Variants in ZFAT observed in about 807,000 individuals in gnomAD.
The protein encoded by ZFAT is zinc finger protein ZFAT.
Under a neutral mutation model 117.7 loss-of-function variants are expected in ZFAT, and 64 were observed. The observed-to-expected ratio is 0.54, with a 90% CI of 0.44 to 0.67. The LOEUF is 0.67. Among genes scored for constraint, ZFAT ranks in the 30% least tolerant of loss-of-function variants. ZFAT has a pLI of 0.00. For synonymous variants in ZFAT, 679 were observed against 615.0 expected, an observed-to-expected ratio of 1.10 and a Z score of -1.54; for missense variants, 1,433 against 1,584.5, an observed-to-expected ratio of 0.90 and a Z score of 1.62.
At chr8:134,794,115 A>C in the ZFAT span, 3 of 152,244 alleles carry the variant, frequency 2.0e-5, no homozygotes, top group Non-Finnish European at 4.4e-5. Context: ...AACTCCTTCA[A>C]ACAATCCATT....
intron 10 of ZFAT, 65 bp from the exon 11 acceptor site, chr8:134,565,486 C>T (rs1023062348): frequency 6.8e-7 from 1 of 1,470,194 alleles, no homozygotes; most frequent in Admixed American, 1.8e-5. Context: ...GAATGAAGTG[C>T]CAGGCATGGA....
At chr8:134,648,089 A>T (rs558055832) in intron 2 of ZFAT, among the ~76,000 whole-genome samples, 19 of 152,078 alleles carry the variant, frequency 1.2e-4, no homozygotes, top group Non-Finnish European at 2.2e-4. Context: ...AGATGTGTTA[A>T]CTAACCTGAT....
At chr8:134,783,007 ATTTTC>A in the ZFAT span, among the ~76,000 whole-genome samples, 1 of 151,950 alleles carries the variant, frequency 6.6e-6, no homozygotes, top group African/African-American at 2.4e-5. Context: ...ACACACATTT[ATTTTC>A]AACATATGTT....
chr8:134,666,595 A>C (rs564801884), intron 1 of ZFAT, among the ~76,000 whole-genome samples: 1 of 152,368 alleles, frequency 6.6e-6, no homozygotes, highest in South Asian at 2.1e-4. Context: ...ATTGTGTCTC[A>C]GCAAAGAAAT....
At chr8:134,800,643 CG>C in the ZFAT span, 1 of 448,944 alleles carries the variant, frequency 2.2e-6, no homozygotes, top group Admixed American at 2.4e-5. Context: ...TAAGTTTGTA[CG>C]GTTCTTTACG....
At chr8:134,588,102 G>C in intron 9 of ZFAT, 144 bp downstream of exon 9, 1 of 984,230 alleles carries the variant, frequency 1.0e-6, no homozygotes, top group Non-Finnish European at 1.5e-6. Flanking sequence ...GTTTGTAGCT[G>C]GTTGATGGAC....
chr8:134,590,468 G>A (rs1203218268), intron 7 of ZFAT, 113 bp from the exon 8 acceptor site: 15 of 715,130 alleles, frequency 2.1e-5, no homozygotes, highest in South Asian at 7.0e-5. Context: ...TACCACTCAC[G>A]CTATCAACAG....
At chr8:134,600,169 T>C in intron 7 of ZFAT, 1 of 511,174 alleles carries the variant, frequency 2.0e-6, no homozygotes, top group Non-Finnish European at 3.5e-6. Context: ...ACTCTATAGA[T>C]ATCTCTTCTG....
chr8:134,525,928 A>C (rs1820994110), intron 12 of ZFAT, among the ~76,000 whole-genome samples: 2 of 152,262 alleles, frequency 1.3e-5, no homozygotes, highest in African/African-American at 4.8e-5. Flanking sequence ...TTTCTTGCCC[A>C]GAGGATAAAC....
intron 11 of ZFAT, among the ~76,000 whole-genome samples, chr8:134,555,122 G>A (rs1017671971): frequency 6.6e-6 from 1 of 152,192 alleles, no homozygotes; most frequent in Non-Finnish European, 1.5e-5. Flanking sequence ...AAGGCTAGGG[G>A]AAACCAGGTG....
In ZFAT at chr8:134,662,240, C is replaced by T. The variant is rs141947986; in HGVS notation, c.20-4503G>A. ...ATTCATGAAGGCCCCACCCTCACGA[C>T]CTGACCACCTCCCAAAGGTCCCACC... On this transcript the variant is annotated intron_variant, in intron 1 of 15. Transcript: ENST00000377838. Among the ~76,000 whole-genome samples the T allele has an allele frequency of 2.6e-5, 4 of 152,230 alleles. No homozygotes were observed. The East Asian group carries it at 7.7e-4, about 29-fold the overall frequency.
chr8:134,724,105 C>T, the ZFAT span, among the ~76,000 whole-genome samples: 1 of 152,212 alleles, frequency 6.6e-6, no homozygotes, highest in Non-Finnish European at 1.5e-5. Flanking sequence ...GATGCAGAAT[C>T]TTATGCCAGT....
chr8:134,593,829 C>T (rs1052493396), intron 7 of ZFAT, among the ~76,000 whole-genome samples: 3 of 152,240 alleles, frequency 2.0e-5, no homozygotes, highest in African/African-American at 4.8e-5. Context: ...TCAACTGCTA[C>T]AGGGCCCCTG....
intron 15 of ZFAT, among the ~76,000 whole-genome samples, chr8:134,488,351 C>T (rs1586563450): frequency 6.6e-6 from 1 of 152,214 alleles, no homozygotes; most frequent in Non-Finnish European, 1.5e-5. Flanking sequence ...AAGGCCAGTG[C>T]TTGTGCTGAG....
chr8:134,781,133 T>C, the ZFAT span, among the ~76,000 whole-genome samples: 1 of 152,154 alleles, frequency 6.6e-6, no homozygotes, highest in Non-Finnish European at 1.5e-5. Context: ...TCTTATTATT[T>C]ACTTATTTTT....
chr8:134,704,171 G>T (rs1834086889), intron 1 of ZFAT, among the ~76,000 whole-genome samples: 1 of 152,132 alleles, frequency 6.6e-6, no homozygotes, highest in African/African-American at 2.4e-5. Context: ...TTCCCTGTGG[G>T]GCTCTCTCCC....
intron 1 of ZFAT, among the ~76,000 whole-genome samples, chr8:134,674,140 T>C (rs1293128049): frequency 6.6e-6 from 1 of 152,160 alleles, no homozygotes. Flanking sequence ...GGTGGGGCAT[T>C]GCCTCACCTG....
chr8:134,709,519 CA>C (rs1813908631), intron 1 of ZFAT, among the ~76,000 whole-genome samples: 1 of 152,122 alleles, frequency 6.6e-6, no homozygotes, highest in South Asian at 2.1e-4. Flanking sequence ...TGAGAAATTG[CA>C]AATCAGTGAA....
At chr8:134,683,900 C>T (rs1258143835) in intron 1 of ZFAT, among the ~76,000 whole-genome samples, 1 of 151,900 alleles carries the variant, frequency 6.6e-6, no homozygotes, top group Non-Finnish European at 1.5e-5. Context: ...TAAGCACTGG[C>T]CATCAAATAA....
Sources: gnomAD v4.1 joint callset for allele counts (sites outside exome capture counted in the v4.1 genomes callset) on GRCh38, gnomAD v4.1.1 for gene constraint, MANE v1.5 for transcripts, NCBI Gene and HGNC (gene_info 2026-07-23, HGNC 2026-07-21) for gene names.